Variants in CSMD2 observed in about 807,000 individuals in gnomAD.
CSMD2 encodes CUB and Sushi multiple domains 2, also known as CUB and sushi domain-containing protein 2.
CSMD2 carries 130 observed loss-of-function variants against 398.5 expected under a neutral mutation model. The ratio of observed to expected loss-of-function variants is 0.33; its 90% CI spans 0.28 to 0.38. The LOEUF is 0.38. Among genes scored for constraint, CSMD2 ranks in the 10% least tolerant of loss-of-function variants. CSMD2 has a pLI of 1.00. For synonymous variants in CSMD2, 1,828 were observed against 1,908.5 expected (o/e 0.96, Z 1.10); for missense variants, 3,829 against 4,764.9 (o/e 0.80, Z 5.78).
chr1:33,540,619 A>G lies in CSMD2; in HGVS notation c.9537T>C (p.Thr3179=), dbSNP rs1656237747. 1 of 1,614,190 alleles carries G rather than the reference A, an allele frequency of 6.2e-7. No individual in the cohort carries two copies. The highest frequency in any genetic ancestry group is 1.3e-5 in the African/African-American group (1 of 75,046). The stretch of plus-strand genomic sequence containing the variant: ...GCTGGTACCCCTCCAGGCAGGCATA[A>G]GTCACACTTGAGCCCCACATGAAGT... ...GSDFMWGSSV[T]YACLEGYQLS... The change falls in exon 60 of 71, where the codon ACT becomes ACC. Residue 3179 remains threonine (T), a synonymous_variant. Coordinates refer to ENST00000373381, the MANE Select transcript of CSMD2 (RefSeq NM_001281956.2).
At chr1:33,752,615 G>A (rs756657983) in intron 13 of CSMD2, among the ~76,000 whole-genome samples, 4 of 152,182 alleles carry the variant, frequency 2.6e-5, no homozygotes, top group Non-Finnish European at 5.9e-5. Flanking sequence ...GGTGTGGGAT[G>A]TTACTATAAG....
At chr1:33,557,618 ACACACACACACAC>A (rs1658140017) in intron 55 of CSMD2, 103 bp downstream of exon 55, 1 of 26,270 alleles carries the variant, frequency 3.8e-5, no homozygotes, top group Non-Finnish European at 6.7e-5. Context: ...ACATGTGCAG[ACACACACACACAC>A]ACACACACAC....
intron 2 of CSMD2, among the ~76,000 whole-genome samples, chr1:34,054,808 G>A (rs189408639): frequency 6.6e-6 from 1 of 152,202 alleles, no homozygotes; most frequent in East Asian, 1.9e-4. Context: ...GTCTCTTATC[G>A]TGTGAGCTGG....
intron 3 of CSMD2, among the ~76,000 whole-genome samples, chr1:33,959,264 G>A (rs1197299032): frequency 6.6e-6 from 1 of 152,194 alleles, no homozygotes; most frequent in East Asian, 1.9e-4. Flanking sequence ...AATTGCCAAT[G>A]TGAGAAAACA....
chr1:33,782,607 AAGG>A (rs1652924164), intron 12 of CSMD2, among the ~76,000 whole-genome samples: 1 of 152,194 alleles, frequency 6.6e-6, no homozygotes, highest in African/African-American at 2.4e-5. Flanking sequence ...GTGCACTAGG[AAGG>A]TGGTAAAGTG....
chr1:34,162,714 C>T (rs1385916864), intron 1 of CSMD2, among the ~76,000 whole-genome samples: 1 of 152,046 alleles, frequency 6.6e-6, no homozygotes, highest in Non-Finnish European at 1.5e-5. Flanking sequence ...CAAAAATTAA[C>T]CGGGCGTGGT....
chr1:33,665,186 T>A (rs1295299376), intron 25 of CSMD2, among the ~76,000 whole-genome samples: 1 of 152,170 alleles, frequency 6.6e-6, no homozygotes, highest in Non-Finnish European at 1.5e-5. Context: ...TTACCTTATA[T>A]TTTTGATTTC....
Position 33,567,759 on chromosome 1 carries a change from G to A in CSMD2, c.8214C>T (p.His2738=). The change falls in exon 53 of 71, where the codon CAC becomes CAT. Residue 2738 remains histidine (H), a synonymous_variant. Coordinates refer to ENST00000373381, the MANE Select transcript of CSMD2 (RefSeq NM_001281956.2). ...LSSPSLTKAG[H]CGTPEPIVNG... ...TGACAATGGGCTCAGGAGTCCCACA[G>A]TGTCCAGCTTTGGTGAGGGATGGGG... 6.2e-7 allele frequency: 1 copy of A among 1,614,066 alleles called. No homozygotes were observed. Among genetic ancestry groups the A allele is most frequent in the East Asian group, 2.2e-5 (1 of 44,864 alleles).
intron 3 of CSMD2, among the ~76,000 whole-genome samples, chr1:33,962,765 G>A (rs983900393): frequency 6.6e-6 from 1 of 152,108 alleles, no homozygotes; most frequent in Admixed American, 6.5e-5. Flanking sequence ...AGGTGTGTCC[G>A]CAAATGTCTG....
chr1:33,857,886 T>A (rs1158145), intron 5 of CSMD2, among the ~76,000 whole-genome samples: 2,813 of 152,114 alleles, frequency 0.018, 33 homozygotes, highest in Middle Eastern at 0.045. Context: ...GCCACTCTCC[T>A]ATGCTATAAA....
chr1:33,971,049 A>G (rs1028630831), intron 3 of CSMD2, among the ~76,000 whole-genome samples: 1 of 152,138 alleles, frequency 6.6e-6, no homozygotes, highest in African/African-American at 2.4e-5. Flanking sequence ...TCAGCAAATG[A>G]GAGCAATGAT....
intron 1 of CSMD2, among the ~76,000 whole-genome samples, chr1:34,112,361 G>T (rs1291311814): frequency 2.0e-5 from 3 of 152,098 alleles, no homozygotes; most frequent in Non-Finnish European, 4.4e-5. Context: ...CCCCAGTCTT[G>T]TCAGCTGCAG....
intron 2 of CSMD2, among the ~76,000 whole-genome samples, chr1:34,080,745 A>G (rs1048863072): frequency 1.3e-5 from 2 of 152,142 alleles, no homozygotes; most frequent in East Asian, 1.9e-4. Context: ...AACTAATTTA[A>G]TTTACAAAAT....
chr1:33,737,395 G>C (rs967791128), intron 15 of CSMD2, among the ~76,000 whole-genome samples: 1 of 152,198 alleles, frequency 6.6e-6, no homozygotes, highest in Non-Finnish European at 1.5e-5. Context: ...AGCAAATATT[G>C]ATCTGGTTGG....
At chr1:33,578,249 G>A (rs1294617818) in intron 48 of CSMD2, among the ~76,000 whole-genome samples, 1 of 152,152 alleles carries the variant, frequency 6.6e-6, no homozygotes, top group Admixed American at 6.6e-5. Flanking sequence ...TTATCTTCCA[G>A]ATATTGTTCT....
At chr1:34,092,612 G>C (rs371680701) in intron 1 of CSMD2, among the ~76,000 whole-genome samples, 2 of 152,216 alleles carry the variant, frequency 1.3e-5, no homozygotes, top group African/African-American at 2.4e-5. Context: ...CAAGGGGGCA[G>C]GGAGTTCCCT....
In CSMD2 at chr1:33,820,588, A is replaced by AAAAAAC. The variant is rs371046549; in HGVS notation, c.1112-33_1112-32insGTTTTT. 5.9e-5 allele frequency: 54 copies of AAAAAAC among 918,328 alleles called. 1 individual carries two copies. Among genetic ancestry groups the AAAAAAC allele is most frequent in the Middle Eastern group, 2.8e-4 (1 of 3,614 alleles). 56.9% of individuals were successfully genotyped at this position (918,328 alleles called of 1,614,324 possible). A position where few individuals can be genotyped will look rare whatever the true frequency, so the allele number is the denominator to read the frequency against. ...GGCAAAAAAAAAAAAAAAAAAAAAA[A>AAAAAAC]CAGCACACACAGAGATGGACAGTCA... On this transcript the variant is annotated intron_variant, in intron 7 of 70. Coordinates refer to ENST00000373381, the MANE Select transcript of CSMD2 (RefSeq NM_001281956.2).
intron 2 of CSMD2, among the ~76,000 whole-genome samples, chr1:34,076,345 T>G (rs1295124475): frequency 1.3e-5 from 2 of 152,214 alleles, no homozygotes; most frequent in Admixed American, 1.3e-4. Flanking sequence ...GCTAAAGGTA[T>G]GAACCTCTCA....
chr1:34,120,890 T>C (rs1313608245), intron 1 of CSMD2, among the ~76,000 whole-genome samples: 1 of 152,174 alleles, frequency 6.6e-6, no homozygotes, highest in Non-Finnish European at 1.5e-5. Flanking sequence ...AAATAAAACA[T>C]GGTCCCCCTC....
Sources: allele counts gnomAD v4.1 joint callset (sites outside exome capture counted in the v4.1 genomes callset), GRCh38; gene constraint gnomAD v4.1.1; transcripts MANE v1.5; gene names NCBI Gene and HGNC (gene_info 2026-07-23, HGNC 2026-07-21).